FNDC3A: variants seen among roughly 807,000 people sequenced by gnomAD.
FNDC3A encodes fibronectin type-III domain-containing protein 3A.
A neutral mutation model predicts 148.9 loss-of-function variants in FNDC3A; 32 were observed. The ratio of observed to expected loss-of-function variants is 0.21; its 90% CI spans 0.16 to 0.29. The LOEUF is 0.29. Among genes scored for constraint, FNDC3A ranks in the 10% least tolerant of loss-of-function variants. The pLI is 1.00. For synonymous variants in FNDC3A, 472 were observed against 473.6 expected, an observed-to-expected ratio of 1.00 and a Z score of 0.04; for missense variants, 1,191 against 1,452.8, an observed-to-expected ratio of 0.82 and a Z score of 2.93.
chr13:49,105,932 T>C (rs1880145952), intron 3 of FNDC3A, among the ~76,000 whole-genome samples: 1 of 152,224 alleles, frequency 6.6e-6, no homozygotes, highest in South Asian at 2.1e-4. Flanking sequence ...CAGCAATGGC[T>C]CTTATTTTAC....
At position 49,207,252 on chromosome 13, in the gene FNDC3A, G is replaced by A. The variant is rs753597626; in HGVS notation, c.3454G>A (p.Ala1152Thr). The A allele has an allele frequency of 2.5e-6, 4 of 1,614,186 alleles. No homozygotes were observed. In the South Asian group the frequency reaches 4.4e-5, roughly 18 times the overall value. The change falls in exon 26 of 26, where the codon GCC becomes ACC. Residue 1152 changes from alanine (A) to threonine (T), a missense_variant. By Grantham distance (58) the Ala-to-Thr change is moderately conservative (BLOSUM62 0). Transcript: ENST00000492622. ...LFISQRTEPP[A>T]STNRDTVEST... ...CATCTCTCAGAGGACTGAACCACCA[G>A]CCAGCACCAACAGAGACACTGTGGA...
chr13:49,115,180 ATG>A (rs1361020162), intron 4 of FNDC3A, among the ~76,000 whole-genome samples: 2 of 99,768 alleles, frequency 2.0e-5, no homozygotes, highest in African/African-American at 9.2e-5. Flanking sequence ...ACCCTGAGGG[ATG>A]AGGGGGGGGG....
At chr13:49,188,654 CTTT>C (rs1885715488) in intron 17 of FNDC3A, 21 bp downstream of exon 17, 19 of 1,516,316 alleles carry the variant, frequency 1.3e-5, no homozygotes, top group Non-Finnish European at 1.6e-5. Context: ...TATGTAGATT[CTTT>C]TGTGTTGTTA....
At chr13:49,023,743 G>T (rs1462810554) in intron 2 of FNDC3A, among the ~76,000 whole-genome samples, 1 of 151,904 alleles carries the variant, frequency 6.6e-6, no homozygotes, top group Non-Finnish European at 1.5e-5. Flanking sequence ...CTTGAAAGTA[G>T]CACTGTATAA....
intron 6 of FNDC3A, among the ~76,000 whole-genome samples, chr13:49,137,968 G>A (rs954789451): frequency 6.6e-5 from 10 of 152,212 alleles, no homozygotes; most frequent in South Asian, 2.1e-4. Flanking sequence ...CATTTCACAA[G>A]CACCAATAAC....
At chr13:49,179,659 A>G (rs1369137333) in intron 14 of FNDC3A, among the ~76,000 whole-genome samples, 1 of 152,214 alleles carries the variant, frequency 6.6e-6, no homozygotes, top group South Asian at 2.1e-4. Context: ...TACTCATGGA[A>G]GTCTGTTAAA....
rs2138123531 is a variant in FNDC3A, at chr13:49,196,764, C to A, written c.2227-113C>A. The A allele has an allele frequency of 7.8e-6, 4 of 515,888 alleles. No homozygotes were observed. The South Asian group carries it at 1.2e-4, about 15-fold the overall frequency. 32.0% of individuals were successfully genotyped at this position (515,888 alleles called of 1,614,324 possible). On this transcript the variant is annotated intron_variant, in intron 19 of 25. Transcript: ENST00000492622. The stretch of plus-strand genomic sequence containing the variant: ...CTTATAGAATTATGACCAAATTAAT[C>A]TTGAAACACAGGGAAAAGACTTTAT...
chr13:49,022,388 A>G (rs529255181), intron 2 of FNDC3A, among the ~76,000 whole-genome samples: 78 of 152,324 alleles, frequency 5.1e-4, no homozygotes, highest in Middle Eastern at 3.4e-3. Flanking sequence ...TTTTATCTCC[A>G]TGGAAGTTGT....
At chr13:49,091,520 A>G (rs576825415) in intron 3 of FNDC3A, among the ~76,000 whole-genome samples, 9 of 152,300 alleles carry the variant, frequency 5.9e-5, no homozygotes, top group Admixed American at 2.0e-4. Flanking sequence ...AGAGTACACA[A>G]CCAGTTGCAC....
chr13:49,131,421 C>T (rs758844482), intron 5 of FNDC3A, 47 bp downstream of exon 5: 46 of 1,299,632 alleles, frequency 3.5e-5, no homozygotes, highest in African/African-American at 4.4e-5. Flanking sequence ...GGATATTCTT[C>T]GCTTGGATAT....
rs562609309 is a variant in FNDC3A at position 49,096,325 on chromosome 13, A to C, written c.176-18330A>C. ...AGTTAGCATTGGATTCTCTGATCCC[A>C]AAACCCATGTGATACCATTGTTTGA... On this transcript the variant is annotated intron_variant, in intron 3 of 25. Transcript: ENST00000492622. Among the ~76,000 whole-genome samples, 3 of 152,252 alleles carry C rather than the reference A, an allele frequency of 2.0e-5. No homozygotes were observed. In the East Asian group the frequency reaches 5.8e-4, roughly 29 times the overall value.
intron 17 of FNDC3A, among the ~76,000 whole-genome samples, chr13:49,190,084 C>G (rs1402922207): frequency 6.6e-6 from 1 of 152,026 alleles, no homozygotes; most frequent in East Asian, 1.9e-4. Context: ...GACTGGGTTT[C>G]ACCATGTTAA....
chr13:49,176,636 T>TA (rs1258675543), intron 13 of FNDC3A, among the ~76,000 whole-genome samples: 3 of 152,196 alleles, frequency 2.0e-5, no homozygotes, highest in African/African-American at 4.8e-5. Context: ...TATAATTTTT[T>TA]AAAAAATCAG....
chr13:49,177,444 C>G (rs1459081225), intron 13 of FNDC3A, among the ~76,000 whole-genome samples: 3 of 152,076 alleles, frequency 2.0e-5, no homozygotes, highest in Non-Finnish European at 2.9e-5. Flanking sequence ...AGGGTGTATT[C>G]TATTATTAAA....
At chr13:49,048,881 C>G (rs1875618125) in intron 2 of FNDC3A, among the ~76,000 whole-genome samples, 1 of 152,068 alleles carries the variant, frequency 6.6e-6, no homozygotes. Context: ...AGTGGGTGTT[C>G]TTGTCTCGTT....
chr13:49,044,806 AT>A, intron 2 of FNDC3A: 6 of 416,224 alleles, frequency 1.4e-5, no homozygotes, highest in Admixed American at 3.0e-5. Flanking sequence ...TTGCCAGGCC[AT>A]TTTTTCAATA....
chr13:48,980,770 T>C (rs368260798), intron 1 of FNDC3A, among the ~76,000 whole-genome samples: 4 of 152,186 alleles, frequency 2.6e-5, no homozygotes, highest in African/African-American at 7.2e-5. Context: ...ACAAATCAAT[T>C]GGCTGGGGCA....
At chr13:49,025,526 C>A (rs1021271645) in intron 2 of FNDC3A, among the ~76,000 whole-genome samples, 1 of 151,886 alleles carries the variant, frequency 6.6e-6, no homozygotes, top group African/African-American at 2.4e-5. Flanking sequence ...GCCTATATAC[C>A]TATATAATAC....
intron 3 of FNDC3A, among the ~76,000 whole-genome samples, chr13:49,105,483 C>G (rs1424372156): frequency 6.6e-6 from 1 of 152,182 alleles, no homozygotes; most frequent in Non-Finnish European, 1.5e-5. Context: ...GTCATCCAGT[C>G]TCATGGATTT....
Sources: gnomAD v4.1 joint callset for allele counts (sites outside exome capture counted in the v4.1 genomes callset) on GRCh38, gnomAD v4.1.1 for gene constraint, MANE v1.5 for transcripts, NCBI Gene and HGNC (gene_info 2026-07-23, HGNC 2026-07-21) for gene names.